MYO3B: variants seen among roughly 807,000 people sequenced by gnomAD.
The protein encoded by MYO3B is myosin-IIIb.
Under a neutral mutation model 174.6 loss-of-function variants are expected in MYO3B, and 156 were observed. That is an observed-to-expected ratio of 0.89 (90% CI 0.78 to 1.02). MYO3B has a LOEUF of 1.02. MYO3B is among the 50% of genes least tolerant of loss of function. The pLI, the probability that MYO3B is intolerant of heterozygous loss-of-function variation, is 0.00. For missense variants in MYO3B, 1,632 were observed against 1,639.4 expected, an observed-to-expected ratio of 1.00 and a Z score of 0.08; for synonymous variants, 563 against 569.1, an observed-to-expected ratio of 0.99 and a Z score of 0.15.
intron 23 of MYO3B, among the ~76,000 whole-genome samples, chr2:170,447,442 G>A (rs925788857): frequency 2.6e-5 from 4 of 152,190 alleles, no homozygotes; most frequent in Non-Finnish European, 5.9e-5. Context: ...CAAATAGGGA[G>A]CGCTAACTAA....
At chr2:170,580,718 A>ATATATATGTATGTGTG (rs768974458) in intron 32 of MYO3B, among the ~76,000 whole-genome samples, 1 of 142,702 alleles carries the variant, frequency 7.0e-6, no homozygotes, top group Non-Finnish European at 1.5e-5. Context: ...AACCTTATAT[A>ATATATATGTATGTGTG]TGTGTGTGTG....
chr2:170,193,950 T>C (rs1251844850), intron 1 of MYO3B, among the ~76,000 whole-genome samples: 1 of 152,190 alleles, frequency 6.6e-6, no homozygotes, highest in African/African-American at 2.4e-5. Flanking sequence ...ATTTTTGAAA[T>C]GTATAACATT....
At chr2:170,214,103 A>ATTTTAT (rs936384072) in intron 3 of MYO3B, among the ~76,000 whole-genome samples, 1 of 152,132 alleles carries the variant, frequency 6.6e-6, no homozygotes, top group Non-Finnish European at 1.5e-5. Context: ...TGTGCTTTAT[A>ATTTTAT]TTTTATTTTT....
chr2:170,354,255 C>G (rs1328902189), intron 8 of MYO3B, among the ~76,000 whole-genome samples: 1 of 152,174 alleles, frequency 6.6e-6, no homozygotes, highest in African/African-American at 2.4e-5. Flanking sequence ...TTCTCCTTGT[C>G]ATCAGTTCTG....
chr2:170,439,774 A>G (rs576620465), intron 22 of MYO3B, among the ~76,000 whole-genome samples: 1 of 152,224 alleles, frequency 6.6e-6, no homozygotes, highest in East Asian at 1.9e-4. Flanking sequence ...TCCACCTCCC[A>G]GGTTCACACC....
chr2:170,398,371 C>T (rs897602946), intron 16 of MYO3B, among the ~76,000 whole-genome samples: 5 of 152,152 alleles, frequency 3.3e-5, no homozygotes, highest in African/African-American at 1.2e-4. Flanking sequence ...TGTTCACCAA[C>T]CTGAAAGCTC....
At chr2:170,554,497 G>A (rs531141967) in intron 32 of MYO3B, among the ~76,000 whole-genome samples, 18 of 152,328 alleles carry the variant, frequency 1.2e-4, no homozygotes, top group African/African-American at 3.8e-4. Context: ...GAGAGTGGCA[G>A]ATACAAGCCG....
At chr2:170,504,375 C>G (rs1410790502) in intron 28 of MYO3B, among the ~76,000 whole-genome samples, 3 of 152,132 alleles carry the variant, frequency 2.0e-5, no homozygotes, top group Admixed American at 6.6e-5. Context: ...ATTTAGGAAG[C>G]ATTTGGCCTA....
chr2:170,250,763 C>T (rs1428910346), intron 7 of MYO3B, among the ~76,000 whole-genome samples: 1 of 152,032 alleles, frequency 6.6e-6, no homozygotes, highest in South Asian at 2.1e-4. Context: ...GGAGGTGGCT[C>T]TCAGCAGGAT....
At chr2:170,523,808 C>T (rs1688828684) in intron 30 of MYO3B, among the ~76,000 whole-genome samples, 1 of 152,196 alleles carries the variant, frequency 6.6e-6, no homozygotes, top group Admixed American at 6.5e-5. Context: ...AGGAGTCTCT[C>T]TCCATTTGCT....
At position 170,437,252 on chromosome 2, in the gene MYO3B, C is replaced by G. The variant is rs1372395470; in HGVS notation, c.2651-6715C>G. 2.0e-5 allele frequency among the ~76,000 whole-genome samples: 3 copies of G among 148,258 alleles called. No individual in the cohort carries two copies. In the East Asian group the frequency reaches 5.8e-4, roughly 29 times the overall value. ...GGGTGGCCAGGTTTCTCCTTACGTG[C>G]AGAGAGATTGATGGGGTTTAGGGCT... On this transcript the variant is annotated intron_variant, in intron 22 of 34. Transcript: ENST00000408978.
chr2:170,471,298 C>T (rs113475766), intron 25 of MYO3B, among the ~76,000 whole-genome samples: 4 of 152,252 alleles, frequency 2.6e-5, no homozygotes, highest in Non-Finnish European at 5.9e-5. Context: ...CATCCACCCA[C>T]CTCAGCCTCC....
Position 170,409,494 on chromosome 2 carries a change from T to C in MYO3B, c.2650+1650T>C, listed in dbSNP as rs73026090. ...CCCAGTATTCCTGAGCTATATATTA[T>C]GCATAGTAATTTCCTTTGAGATCCT... On this transcript the variant is annotated intron_variant, in intron 22 of 34. Coordinates refer to ENST00000408978, the MANE Select transcript of MYO3B (RefSeq NM_138995.5). 4.2e-3 allele frequency among the ~76,000 whole-genome samples: 643 copies of C among 152,354 alleles called. 1 individual carries two copies. Among genetic ancestry groups the C allele is most frequent in the African/African-American group, 0.015 (615 of 41,584 alleles).
intron 23 of MYO3B, among the ~76,000 whole-genome samples, chr2:170,460,200 C>T (rs138043480): frequency 6.6e-6 from 1 of 152,050 alleles, no homozygotes; most frequent in African/African-American, 2.4e-5. Context: ...TCAATATCAC[C>T]TATTCTAGGC....
chr2:170,213,212 G>A lies in MYO3B; in HGVS notation c.322-1167G>A, dbSNP rs376832111. 2.6e-5 allele frequency among the ~76,000 whole-genome samples: 4 copies of A among 152,300 alleles called. No homozygotes were observed. In the East Asian group the frequency reaches 5.8e-4, roughly 22 times the overall value. On this transcript the variant is annotated intron_variant, in intron 3 of 34. Coordinates refer to ENST00000408978, the MANE Select transcript of MYO3B (RefSeq NM_138995.5). ...CCGCAGACAAAACTCCTCAGACACC[G>A]AGTTAAAGAAGGAAGTGGTTTATTC... is the stretch of plus-strand genomic sequence containing the variant.
At chr2:170,439,017 G>A (rs192186453) in intron 22 of MYO3B, among the ~76,000 whole-genome samples, 14 of 151,426 alleles carry the variant, frequency 9.2e-5, no homozygotes, top group East Asian at 7.7e-4. Flanking sequence ...TTCATATACC[G>A]GTTAGCCATT....
At chr2:170,304,677 G>A (rs1316547678) in intron 7 of MYO3B, among the ~76,000 whole-genome samples, 1 of 151,824 alleles carries the variant, frequency 6.6e-6, no homozygotes, top group African/African-American at 2.4e-5. Flanking sequence ...ATGTTGGCCA[G>A]ACTGGTCTCA....
At chr2:170,559,722 A>G (rs1315660700) in intron 32 of MYO3B, among the ~76,000 whole-genome samples, 1 of 151,956 alleles carries the variant, frequency 6.6e-6, no homozygotes, top group Non-Finnish European at 1.5e-5. Context: ...TGACTTCCTG[A>G]CCTCCCACTT....
intron 7 of MYO3B, among the ~76,000 whole-genome samples, chr2:170,293,104 C>T (rs988798985): frequency 8.5e-5 from 13 of 152,120 alleles, no homozygotes; most frequent in African/African-American, 3.1e-4. Flanking sequence ...TTTTTCACCT[C>T]TCTGTGGCCC....
Sources: gnomAD v4.1 joint callset for allele counts (sites outside exome capture counted in the v4.1 genomes callset) on GRCh38, gnomAD v4.1.1 for gene constraint, MANE v1.5 for transcripts, NCBI Gene and HGNC (gene_info 2026-07-23, HGNC 2026-07-21) for gene names.